The following THOC7 variants were observed in gnomAD, a reference collection of about 807,000 sequenced individuals.
The protein encoded by THOC7 is THO complex subunit 7.
A neutral mutation model predicts 33.1 loss-of-function variants in THOC7; 22 were observed. The ratio of observed to expected loss-of-function variants is 0.66; its 90% confidence interval spans 0.47 to 0.95. The LOEUF (loss-of-function observed/expected upper bound fraction) is 0.95. Among genes scored for constraint, THOC7 ranks in the 40% least tolerant of loss-of-function variants. The probability of loss-of-function intolerance (pLI) is 0.00; values close to 1 mark genes in which losing one functional copy is unlikely to be tolerated. For missense variants in THOC7, 184 were observed against 245.3 expected, an observed-to-expected ratio of 0.75 and a Z score of 1.67; for synonymous variants, 77 against 76.8, an observed-to-expected ratio of 1.00 and a Z score of -0.01.
At chr3:63,838,139 AT>A (rs1444344425) in intron 3 of THOC7, 77 bp from the exon 4 acceptor site, 1 of 1,327,734 alleles carries the variant, frequency 7.5e-7, no homozygotes, top group Admixed American at 2.2e-5. Context: ...GCATTTATAA[AT>A]TAACCTCTAT....
At chr3:63,847,310 A>T (rs1011265043) in intron 1 of THOC7, among the ~76,000 whole-genome samples, 1 of 152,180 alleles carries the variant, frequency 6.6e-6, no homozygotes, top group African/African-American at 2.4e-5. Context: ...ATGAACTCTC[A>T]TCAGGTTTTA....
chr3:63,835,506 G>C, intron 5 of THOC7, 116 bp from the exon 6 acceptor site: 1 of 807,860 alleles, frequency 1.2e-6, no homozygotes, highest in Non-Finnish European at 1.9e-6. Context: ...GGCTTATAAG[G>C]AGTTATAACA....
At chr3:63,850,420 C>G (rs1701996147) in intron 1 of THOC7, among the ~76,000 whole-genome samples, 1 of 151,452 alleles carries the variant, frequency 6.6e-6, no homozygotes, top group Non-Finnish European at 1.5e-5. Flanking sequence ...AGGCTGGTCT[C>G]AAACTCCTGA....
intron 1 of THOC7, 122 bp downstream of exon 1, chr3:63,863,650 C>A: frequency 1.6e-6 from 2 of 1,215,606 alleles, no homozygotes; most frequent in South Asian, 3.7e-5. Flanking sequence ...AAGGCCGAAG[C>A]GCTCTGGCGA....
At chr3:63,864,136 C>A (rs1346532724), upstream of THOC7, among the ~76,000 whole-genome samples, 1 of 149,146 alleles carries the variant, frequency 6.7e-6, no homozygotes, top group African/African-American at 2.4e-5. Flanking sequence ...GAGGCCGCCC[C>A]GGAGGCCGCA....
chr3:63,857,410 T>C (rs547310119), intron 1 of THOC7, among the ~76,000 whole-genome samples: 1 of 152,296 alleles, frequency 6.6e-6, no homozygotes, highest in Non-Finnish European at 1.5e-5. Flanking sequence ...CTGGCTTGAT[T>C]TGACCTACTT....
At chr3:63,863,951 G>GCGCCGC (rs1161401026), upstream of THOC7, 306 of 81,292 alleles carry the variant, frequency 3.8e-3, 2 homozygotes, top group Middle Eastern at 0.02. Context: ...GCGCCGCGCC[G>GCGCCGC]CGCCGCCGCC....
At chr3:63,834,847 TG>T (rs1450908448) in intron 7 of THOC7, among the ~76,000 whole-genome samples, 1 of 152,160 alleles carries the variant, frequency 6.6e-6, no homozygotes, top group African/African-American at 2.4e-5. Flanking sequence ...ATTGCCTGCC[TG>T]GGTCCTGAGT....
chr3:63,849,752 T>C (rs1475955371), intron 1 of THOC7, among the ~76,000 whole-genome samples: 1 of 152,256 alleles, frequency 6.6e-6, no homozygotes, highest in Non-Finnish European at 1.5e-5. Flanking sequence ...CCTGGCTCAT[T>C]GTTTTTGCTT....
intron 1 of THOC7, among the ~76,000 whole-genome samples, chr3:63,842,344 A>T (rs1701780673): frequency 6.6e-6 from 1 of 152,192 alleles, no homozygotes; most frequent in Non-Finnish European, 1.5e-5. Context: ...AGAAAGCAGA[A>T]CCCTTATACA....
At chr3:63,846,837 C>T (rs1263070329) in intron 1 of THOC7, among the ~76,000 whole-genome samples, 3 of 152,092 alleles carry the variant, frequency 2.0e-5, no homozygotes, top group Admixed American at 2.0e-4. Flanking sequence ...CTATCAAGTA[C>T]CCAACAAGTC....
intron 1 of THOC7, 130 bp downstream of exon 1, chr3:63,863,642 G>C: frequency 8.2e-7 from 1 of 1,212,774 alleles, no homozygotes; most frequent in Non-Finnish European, 1.0e-6. Flanking sequence ...AGGTCGGGAA[G>C]GCCGAAGCGC....
rs564606678 is a variant in THOC7 at position 63,846,107 on chromosome 3, G to C, written c.20-6334C>G. On this transcript the variant is annotated intron_variant, in intron 1 of 7. Coordinates refer to ENST00000295899, the MANE Select transcript of THOC7 (RefSeq NM_025075.4). ...GAAATGGAAGATATTCCCTTACCAA[G>C]GATGGTAAAACTGATGTAACTCCTA... The C allele has an allele frequency of 5.3e-4, 192 of 365,320 alleles. 1 individual carries two copies. The highest frequency in any genetic ancestry group is 4.0e-3 in the African/African-American group (183 of 46,146). 22.6% of individuals were successfully genotyped at this position (365,320 alleles called of 1,614,324 possible).
chr3:63,844,672 G>A (rs1039667841), intron 1 of THOC7, among the ~76,000 whole-genome samples: 1 of 152,058 alleles, frequency 6.6e-6, no homozygotes, highest in Non-Finnish European at 1.5e-5. Context: ...CTGATAAAAG[G>A]GTGAGTTCAG....
intron 1 of THOC7, among the ~76,000 whole-genome samples, chr3:63,850,767 A>G (rs185815787): frequency 2.0e-5 from 3 of 151,520 alleles, no homozygotes; most frequent in African/African-American, 7.3e-5. Flanking sequence ...TTGTATTTTA[A>G]TAGAGATGGA....
chr3:63,838,622 T>C, intron 2 of THOC7, 123 bp from the exon 3 acceptor site: 1 of 983,476 alleles, frequency 1.0e-6, no homozygotes, highest in Non-Finnish European at 1.5e-6. Flanking sequence ...CATTTGCTTA[T>C]TTAAAATTTA....
At chr3:63,859,139 G>A (rs1027261244) in intron 1 of THOC7, among the ~76,000 whole-genome samples, 3 of 152,112 alleles carry the variant, frequency 2.0e-5, no homozygotes, top group Admixed American at 6.5e-5. Flanking sequence ...CACTAACATC[G>A]CTCTAATCCA....
intron 1 of THOC7, among the ~76,000 whole-genome samples, chr3:63,845,789 G>A (rs576886388): frequency 3.3e-5 from 5 of 152,154 alleles, no homozygotes; most frequent in African/African-American, 7.2e-5. Context: ...AAAGATCTGA[G>A]TACCCTCCCT....
chr3:63,845,583 G>C (rs142319494), intron 1 of THOC7, among the ~76,000 whole-genome samples: 42 of 152,292 alleles, frequency 2.8e-4, no homozygotes, highest in Non-Finnish European at 5.4e-4. Context: ...ATGAACTCTG[G>C]CTTTTGGAAT....
Sources: gnomAD v4.1 joint callset for allele counts (sites outside exome capture counted in the v4.1 genomes callset) on GRCh38, gnomAD v4.1.1 for gene constraint, MANE v1.5 for transcripts, NCBI Gene and HGNC (gene_info 2026-07-23, HGNC 2026-07-21) for gene names.